AIG1: variants seen among roughly 807,000 people sequenced by gnomAD.
The protein encoded by AIG1 is androgen induced 1.
AIG1 carries 23 observed loss-of-function variants against 31.4 expected under a neutral mutation model. The ratio of observed to expected loss-of-function variants is 0.73; its 90% CI spans 0.53 to 1.04. The LOEUF (loss-of-function observed/expected upper bound fraction) is 1.04, where lower values mean the gene tolerates loss of function less well. Ranked by LOEUF, AIG1 falls within the 50% of genes least tolerant of loss-of-function variation. The probability of loss-of-function intolerance (pLI) is 0.00; values close to 1 mark genes in which losing one functional copy is unlikely to be tolerated. For synonymous variants in AIG1, 100 were observed against 110.5 expected (o/e 0.90, Z 0.60); for missense variants, 274 against 295.0 (o/e 0.93, Z 0.52).
rs1386884414 is a variant in AIG1 at position 143,297,706 on chromosome 6, G to A, written c.515+13481G>A. On this transcript the variant is annotated intron_variant, in intron 4 of 5. Coordinates refer to ENST00000357847, the MANE Select transcript of AIG1 (RefSeq NM_016108.4). This position sits in a 1 kb window ranked among gnomAD's most constrained non-coding sequence, Gnocchi z 5.1. ...TACTCTCTGATGCTCTAGCCCTCCT[G>A]GCAAGCTTTCATACACTGCCTCTCC... is the stretch of plus-strand genomic sequence containing the variant. Among the ~76,000 whole-genome samples the A allele has an allele frequency of 1.3e-5, 2 of 152,124 alleles. No individual in the cohort carries two copies. The highest frequency in any genetic ancestry group is 2.9e-5 in the Non-Finnish European group (2 of 68,016).
Position 143,288,438 on chromosome 6 carries a change from G to T in AIG1, c.515+4213G>T, listed in dbSNP as rs1797842424. On this transcript the variant is annotated intron_variant, in intron 4 of 5. Transcript: ENST00000357847. The surrounding 1 kb of genome is among the most constrained non-coding windows in gnomAD (Gnocchi z 4.4). The stretch of plus-strand genomic sequence containing the variant: ...AAGAGCAAGTAGGCCTTAGTGAAGG[G>T]GACAAAATGGATCCTGGGTGTTTCC... 6.6e-6 allele frequency among the ~76,000 whole-genome samples: 1 copy of T among 152,116 alleles called. No individual in the cohort carries two copies. The highest frequency in any genetic ancestry group is 2.1e-4 in the South Asian group (1 of 4,822).
chr6:143,312,981 A>G (rs759607073), intron 4 of AIG1, among the ~76,000 whole-genome samples: 6 of 152,190 alleles, frequency 3.9e-5, no homozygotes, highest in Non-Finnish European at 8.8e-5. Flanking sequence ...TCATTAGAGA[A>G]GTGCAAATCA....
chr6:143,114,769 T>G (rs1781597134), intron 1 of AIG1, among the ~76,000 whole-genome samples: 1 of 152,238 alleles, frequency 6.6e-6, no homozygotes, highest in South Asian at 2.1e-4. Flanking sequence ...AATGCTTTAT[T>G]TCTAAATCAT....
chr6:143,322,825 C>T (rs1776323415), intron 4 of AIG1, among the ~76,000 whole-genome samples: 1 of 152,186 alleles, frequency 6.6e-6, no homozygotes, highest in Admixed American at 6.5e-5. Context: ...CACAATTTGC[C>T]TCTTTCTCCA....
chr6:143,197,376 G>A (rs1790331337), intron 3 of AIG1, among the ~76,000 whole-genome samples: 1 of 152,054 alleles, frequency 6.6e-6, no homozygotes, highest in African/African-American at 2.4e-5. Context: ...TATCATAGAA[G>A]GGCTTTTGGG....
intron 3 of AIG1, among the ~76,000 whole-genome samples, chr6:143,214,587 A>G (rs536767436): frequency 6.6e-6 from 1 of 152,300 alleles, no homozygotes; most frequent in African/African-American, 2.4e-5. Flanking sequence ...TTCCCATGCC[A>G]TCCAAATCCT....
At chr6:143,215,410 G>A (rs776650928) in intron 3 of AIG1, among the ~76,000 whole-genome samples, 1 of 152,038 alleles carries the variant, frequency 6.6e-6, no homozygotes, top group Non-Finnish European at 1.5e-5. Context: ...TGGGTATGTG[G>A]CCACCAACAA....
chr6:143,226,738 T>C (rs1440308697), intron 3 of AIG1, among the ~76,000 whole-genome samples: 1 of 152,136 alleles, frequency 6.6e-6, no homozygotes, highest in Non-Finnish European at 1.5e-5. Flanking sequence ...TTGTGAAAAT[T>C]GTGTAGAATC....
intron 4 of AIG1, among the ~76,000 whole-genome samples, chr6:143,295,032 G>A (rs1205285681): frequency 6.6e-6 from 1 of 151,974 alleles, no homozygotes; most frequent in African/African-American, 2.4e-5. Context: ...CTTAGCAACT[G>A]CAAACCAACC....
chr6:143,226,234 C>CTATATATA, intron 3 of AIG1, among the ~76,000 whole-genome samples: 1 of 145,844 alleles, frequency 6.9e-6, no homozygotes, highest in South Asian at 2.2e-4. Flanking sequence ...TTCTTCTTAA[C>CTATATATA]TATATATATA....
intron 3 of AIG1, among the ~76,000 whole-genome samples, chr6:143,212,938 T>G (rs1791701687): frequency 6.6e-6 from 1 of 152,214 alleles, no homozygotes; most frequent in Admixed American, 6.5e-5. Context: ...CTGCAAAGCC[T>G]GTGCTTATTG....
intron 3 of AIG1, among the ~76,000 whole-genome samples, chr6:143,275,481 C>T (rs963954380): frequency 1.3e-5 from 2 of 152,158 alleles, no homozygotes; most frequent in Non-Finnish European, 2.9e-5. Flanking sequence ...TCAAAGCCCT[C>T]TAGGGTTTGG....
intron 3 of AIG1, 149 bp from the exon 4 acceptor site, chr6:143,283,961 G>A (rs891250067): frequency 1.4e-5 from 7 of 489,122 alleles, no homozygotes; most frequent in East Asian, 6.3e-5. Context: ...GTGGTTTTAC[G>A]TCCATTCTAC....
upstream of AIG1, among the ~76,000 whole-genome samples, chr6:143,059,607 G>A (rs1281480231): frequency 2.0e-5 from 3 of 151,982 alleles, no homozygotes; most frequent in Non-Finnish European, 2.9e-5. Context: ...TAATTATAAT[G>A]CCAATTAAAA....
intron 4 of AIG1, among the ~76,000 whole-genome samples, chr6:143,323,363 A>AT (rs1359147388): frequency 1.3e-5 from 2 of 152,198 alleles, no homozygotes; most frequent in African/African-American, 4.8e-5. Context: ...CCATGTATAG[A>AT]TACCTCCCAG....
At position 143,334,203 on chromosome 6, in the gene AIG1, C is replaced by G; in HGVS notation, c.679+758C>G. On this transcript the variant is annotated intron_variant, in intron 5 of 5. Transcript: ENST00000357847. The surrounding 1 kb of genome is among the most constrained non-coding windows in gnomAD (Gnocchi z 5.1). ...CAGCACAGACATGTAGTGATTGAGT[C>G]CTGCATGAAAATACATCCAAAGGCA... 8.9e-7 allele frequency: 1 copy of G among 1,122,876 alleles called. No homozygotes were observed. Among genetic ancestry groups the G allele is most frequent in the Non-Finnish European group, 1.2e-6 (1 of 805,176 alleles). The allele number at this position is 1,122,876 out of a possible 1,614,324, so 69.6% of individuals were successfully genotyped here. A position where few individuals can be genotyped will look rare whatever the true frequency, so the allele number is the denominator to read the frequency against.
intron 3 of AIG1, among the ~76,000 whole-genome samples, chr6:143,221,144 C>T (rs140142763): frequency 1.4e-3 from 208 of 152,232 alleles, no homozygotes; most frequent in African/African-American, 4.9e-3. Flanking sequence ...TAGTGATATT[C>T]TTTTTCTTAG....
At chr6:143,177,113 C>T (rs1182726505) in intron 3 of AIG1, among the ~76,000 whole-genome samples, 1 of 152,214 alleles carries the variant, frequency 6.6e-6, no homozygotes, top group Non-Finnish European at 1.5e-5. Flanking sequence ...TTTTATTTCA[C>T]TCACTGAGTT....
At chr6:143,222,150 A>T (rs192817099) in intron 3 of AIG1, among the ~76,000 whole-genome samples, 1 of 152,268 alleles carries the variant, frequency 6.6e-6, no homozygotes, top group Non-Finnish European at 1.5e-5. Flanking sequence ...TTTCACCATA[A>T]TGAGGATTAT....
Sources: allele counts gnomAD v4.1 joint callset (sites outside exome capture counted in the v4.1 genomes callset), GRCh38; gene constraint gnomAD v4.1.1; non-coding constraint Gnocchi (gnomAD v3.1); transcripts MANE v1.5; gene names NCBI Gene and HGNC (gene_info 2026-07-23, HGNC 2026-07-21).